HAPLN1: variants seen among roughly 807,000 people sequenced by gnomAD.
HAPLN1 encodes the protein Cartilage link protein.
In HAPLN1, 13 loss-of-function variants were observed where a neutral mutation model predicts 36.5. The ratio of observed to expected loss-of-function variants is 0.36; its 90% CI spans 0.23 to 0.57. HAPLN1 has a LOEUF of 0.57. Ranked by LOEUF, HAPLN1 falls within the 20% of genes least tolerant of loss-of-function variation. HAPLN1 has a pLI of 0.83. For missense variants in HAPLN1, 407 were observed against 439.7 expected, an observed-to-expected ratio of 0.93 and a Z score of 0.66; for synonymous variants, 202 against 169.8, an observed-to-expected ratio of 1.19 and a Z score of -1.48.
chr5:83,681,348 A>G (rs576971121), intron 1 of HAPLN1, among the ~76,000 whole-genome samples: 7 of 152,286 alleles, frequency 4.6e-5, no homozygotes, highest in African/African-American at 1.7e-4. Flanking sequence ...CCAATTATGT[A>G]TAATTTTGTC....
chr5:83,712,976 A>G (rs181274096), intron 1 of HAPLN1, among the ~76,000 whole-genome samples: 1 of 152,182 alleles, frequency 6.6e-6, no homozygotes, highest in East Asian at 1.9e-4. Context: ...CTTCAGAATC[A>G]AGGAATTAGA....
At chr5:83,659,170 A>G (rs1269678253) in intron 2 of HAPLN1, among the ~76,000 whole-genome samples, 1 of 152,036 alleles carries the variant, frequency 6.6e-6, no homozygotes, top group East Asian at 1.9e-4. Flanking sequence ...GCTACTTGGG[A>G]GGCCGAGGCA....
In HAPLN1 at chr5:83,641,345, C is replaced by T; in HGVS notation, c.*151G>A. ...AATGATAGCTTTACAAAAAACAAAT[C>T]AATGAATTGATCTTTATGAAAATGA... On this transcript the variant is annotated 3_prime_UTR_variant, in exon 5 of 5. Coordinates refer to ENST00000274341, the MANE Select transcript of HAPLN1 (RefSeq NM_001884.4). The T allele has an allele frequency of 1.8e-6, 1 of 552,944 alleles. No individual in the cohort carries two copies. The highest frequency in any genetic ancestry group is 3.1e-6 in the Non-Finnish European group (1 of 327,758). 34.3% of individuals were successfully genotyped at this position (552,944 alleles called of 1,614,324 possible).
At chr5:83,685,855 T>A (rs950973836) in intron 1 of HAPLN1, 8 of 152,120 alleles carry the variant, frequency 5.3e-5, no homozygotes, top group African/African-American at 1.9e-4. Context: ...TCTGAACTTG[T>A]CAAGGGCAAA....
chr5:83,658,520 T>C (rs1750284134), intron 2 of HAPLN1, among the ~76,000 whole-genome samples: 1 of 152,200 alleles, frequency 6.6e-6, no homozygotes, highest in Non-Finnish European at 1.5e-5. Context: ...ACACCATATT[T>C]AAGTAGAATA....
intron 1 of HAPLN1, among the ~76,000 whole-genome samples, chr5:83,702,850 T>C (rs988496802): frequency 6.6e-6 from 1 of 152,134 alleles, no homozygotes; most frequent in African/African-American, 2.4e-5. Context: ...TAGCTGGGAC[T>C]ACAGGCATGC....
intron 4 of HAPLN1, among the ~76,000 whole-genome samples, chr5:83,642,908 C>G (rs4703570): frequency 1.3e-5 from 2 of 152,142 alleles, no homozygotes; most frequent in Admixed American, 1.3e-4. Flanking sequence ...TGCCATCTCC[C>G]TCTGGGTTTA....
chr5:83,644,519 C>T lies in HAPLN1; in HGVS notation c.619G>A (p.Ala207Thr). ...AWRGGLDWCN[A>T]GWLSDGSVQY... Reference sequence around the variant, plus strand: ...ACAGAGCCATCACTGAGCCAGCCGGCATTGCACCAGTCCAGCCCGCCCCGC... The same window carrying T: ...ACAGAGCCATCACTGAGCCAGCCGGTATTGCACCAGTCCAGCCCGCCCCGC... The change falls in exon 4 of 5, where the codon GCC becomes ACC. Residue 207 changes from alanine to threonine, a missense_variant. Transcript: ENST00000274341. 1 of 1,611,966 alleles carries T rather than the reference C, an allele frequency of 6.2e-7. No individual in the cohort carries two copies.
intron 1 of HAPLN1, among the ~76,000 whole-genome samples, chr5:83,720,016 A>G (rs72772953): frequency 0.047 from 7,135 of 152,294 alleles, 407 homozygotes; most frequent in East Asian, 0.3. Context: ...TTAATAAGCC[A>G]TCTTATTTTG....
At chr5:83,694,162 A>G (rs986947080) in intron 1 of HAPLN1, among the ~76,000 whole-genome samples, 8 of 152,036 alleles carry the variant, frequency 5.3e-5, no homozygotes, top group Admixed American at 2.6e-4. Context: ...ACTTCTATCT[A>G]TTTGGAAACT....
At chr5:83,660,619 CT>C (rs61526485) in intron 2 of HAPLN1, among the ~76,000 whole-genome samples, 2 of 151,944 alleles carry the variant, frequency 1.3e-5, no homozygotes, top group African/African-American at 4.8e-5. Context: ...TTTTCTTAAT[CT>C]TTTTTTTCTA....
At chr5:83,715,419 G>C (rs1353812040) in intron 1 of HAPLN1, among the ~76,000 whole-genome samples, 1 of 152,102 alleles carries the variant, frequency 6.6e-6, no homozygotes, top group African/African-American at 2.4e-5. Context: ...GCAAAGAAAG[G>C]GAGCCAGGAA....
intron 3 of HAPLN1, among the ~76,000 whole-genome samples, chr5:83,648,872 C>T (rs7732368): frequency 0.061 from 9,304 of 152,216 alleles, 810 homozygotes; most frequent in African/African-American, 0.2. Flanking sequence ...GCACAGATTT[C>T]AAACTCTTAT....
intron 1 of HAPLN1, among the ~76,000 whole-genome samples, chr5:83,689,888 T>G (rs1256046091): frequency 1.3e-5 from 2 of 152,142 alleles, no homozygotes; most frequent in Non-Finnish European, 2.9e-5. Flanking sequence ...TATATAGAAT[T>G]TTTCCTTCTG....
intron 2 of HAPLN1, among the ~76,000 whole-genome samples, chr5:83,666,600 A>G (rs542184000): frequency 6.6e-6 from 1 of 152,252 alleles, no homozygotes; most frequent in South Asian, 2.1e-4. Context: ...AGATTTTTCA[A>G]TATCAAGTTT....
intron 2 of HAPLN1, among the ~76,000 whole-genome samples, chr5:83,667,809 C>T (rs1750596199): frequency 6.6e-6 from 1 of 152,202 alleles, no homozygotes; most frequent in Non-Finnish European, 1.5e-5. Flanking sequence ...GATAGCATTT[C>T]AGTGACCAAA....
intron 1 of HAPLN1, among the ~76,000 whole-genome samples, chr5:83,720,329 A>G (rs965142068): frequency 1.2e-4 from 18 of 152,356 alleles, no homozygotes; most frequent in Middle Eastern, 6.8e-3. Context: ...ACCTATGCCT[A>G]AAGTAACTTT....
At chr5:83,644,754 G>T in intron 3 of HAPLN1, 89 bp from the exon 4 acceptor site, 1 of 954,964 alleles carries the variant, frequency 1.0e-6, no homozygotes, top group Non-Finnish European at 1.4e-6. Flanking sequence ...AAACCTAACA[G>T]ACCCTCCATC....
intron 1 of HAPLN1, chr5:83,686,103 G>A (rs550820281): frequency 7.8e-6 from 1 of 127,752 alleles, no homozygotes; most frequent in Non-Finnish European, 1.6e-5. Flanking sequence ...TATCACCAAT[G>A]ACGGAGCCAA....
Sources: gnomAD v4.1 joint callset for allele counts (sites outside exome capture counted in the v4.1 genomes callset) on GRCh38, gnomAD v4.1.1 for gene constraint, MANE v1.5 for transcripts, NCBI Gene and HGNC (gene_info 2026-07-23, HGNC 2026-07-21) for gene names.